The following FNIP1 variants were observed in gnomAD, a reference collection of about 807,000 sequenced individuals.
FNIP1 encodes folliculin interacting protein 1.
FNIP1 carries 40 observed loss-of-function variants against 124.5 expected under a neutral mutation model. The observed-to-expected ratio is 0.32, with a 90% CI of 0.25 to 0.42. The LOEUF (loss-of-function observed/expected upper bound fraction) is 0.42, where lower values mean the gene tolerates loss of function less well. Ranked by LOEUF, FNIP1 falls within the 10% of genes least tolerant of loss-of-function variation. The pLI, the probability that FNIP1 is intolerant of heterozygous loss-of-function variation, is 1.00. For synonymous variants in FNIP1, 472 were observed against 470.6 expected, an observed-to-expected ratio of 1.00 and a Z score of -0.04; for missense variants, 1,176 against 1,403.7, an observed-to-expected ratio of 0.84 and a Z score of 2.59.
chr5:131,773,887 C>G (rs2149579338), intron 1 of FNIP1, among the ~76,000 whole-genome samples: 1 of 152,300 alleles, frequency 6.6e-6, no homozygotes, highest in South Asian at 2.1e-4. Context: ...ATTAGTCATT[C>G]TTAATCTCAT....
chr5:131,651,379 T>C (rs553851342), intron 16 of FNIP1, among the ~76,000 whole-genome samples: 68 of 152,320 alleles, frequency 4.5e-4, no homozygotes, highest in Admixed American at 2.8e-3. Flanking sequence ...GGTGATGGGA[T>C]TAAGACACTG....
chr5:131,708,612 T>C (rs1251849081), intron 8 of FNIP1, among the ~76,000 whole-genome samples: 2 of 152,176 alleles, frequency 1.3e-5, no homozygotes, highest in African/African-American at 4.8e-5. Context: ...TGCGCAGGCC[T>C]ATCACTAAAT....
chr5:131,682,476 TG>T (rs1324144368), intron 11 of FNIP1, among the ~76,000 whole-genome samples: 1 of 151,944 alleles, frequency 6.6e-6, no homozygotes, highest in Non-Finnish European at 1.5e-5. Flanking sequence ...CCCAGCACTT[TG>T]GGAGGTCTAG....
intron 11 of FNIP1, among the ~76,000 whole-genome samples, chr5:131,697,589 A>G (rs968537450): frequency 1.3e-5 from 2 of 152,188 alleles, no homozygotes; most frequent in Non-Finnish European, 2.9e-5. Context: ...CTAAATTTAA[A>G]AAGTATACAT....
intron 15 of FNIP1, 94 bp downstream of exon 15, chr5:131,670,369 T>A: frequency 9.1e-7 from 1 of 1,093,064 alleles, no homozygotes; most frequent in African/African-American, 1.6e-5. Flanking sequence ...GATTGTGTTG[T>A]AAAAAGTATG....
intron 3 of FNIP1, among the ~76,000 whole-genome samples, chr5:131,725,633 C>T (rs1189199472): frequency 6.6e-6 from 1 of 152,196 alleles, no homozygotes; most frequent in Non-Finnish European, 1.5e-5. Context: ...ACAATCATGT[C>T]ATCTGCAAAC....
intron 1 of FNIP1, among the ~76,000 whole-genome samples, chr5:131,762,675 G>A (rs944960060): frequency 6.6e-6 from 1 of 152,058 alleles, no homozygotes; most frequent in African/African-American, 2.4e-5. Context: ...CCACTACGGA[G>A]AACAGTTTGG....
chr5:131,795,371 G>A (rs965740181), intron 1 of FNIP1, among the ~76,000 whole-genome samples: 2 of 152,138 alleles, frequency 1.3e-5, no homozygotes, highest in Middle Eastern at 3.2e-3. Context: ...AAAACCAGAC[G>A]TGAAAATGTT....
intron 4 of FNIP1, 81 bp downstream of exon 4, chr5:131,719,236 A>C: frequency 7.8e-7 from 1 of 1,284,340 alleles, no homozygotes; most frequent in Non-Finnish European, 1.1e-6. Flanking sequence ...AATCTGAGTG[A>C]AGATCATATA....
In FNIP1 at chr5:131,694,459, G is replaced by A. The variant is rs138722456; in HGVS notation, c.1202+4458C>T. Among the ~76,000 whole-genome samples the A allele has an allele frequency of 2.4e-3, 366 of 152,230 alleles. 7 individuals carry two copies. Among genetic ancestry groups the A allele is most frequent in the Admixed American group, 0.02 (306 of 15,286 alleles). On this transcript the variant is annotated intron_variant, in intron 11 of 17. Transcript: ENST00000510461. ...CACCACCACCAAGGAAGAATCTTAC[G>A]AAAGACTGGCTAAGTGAAAGAAGCC...
chr5:131,652,656 A>AAAAAC (rs1404163758), intron 15 of FNIP1, among the ~76,000 whole-genome samples: 1 of 152,180 alleles, frequency 6.6e-6, no homozygotes, highest in African/African-American at 2.4e-5. Context: ...CAAACATTTT[A>AAAAAC]AAAACAGAAC....
intron 1 of FNIP1, among the ~76,000 whole-genome samples, chr5:131,784,243 C>T (rs768977884): frequency 2.6e-5 from 4 of 151,818 alleles, no homozygotes; most frequent in Non-Finnish European, 5.9e-5. Context: ...TTTATGGAGC[C>T]GTTGAAGGAT....
chr5:131,691,349 A>C (rs1423760602), intron 11 of FNIP1, among the ~76,000 whole-genome samples: 1 of 152,206 alleles, frequency 6.6e-6, no homozygotes, highest in African/African-American at 2.4e-5. Flanking sequence ...AGGAGTGCTT[A>C]AAGGGAAATT....
chr5:131,769,678 T>C (rs1355174923), intron 1 of FNIP1, among the ~76,000 whole-genome samples: 1 of 152,228 alleles, frequency 6.6e-6, no homozygotes, highest in Non-Finnish European at 1.5e-5. Flanking sequence ...ACCGGGAGCC[T>C]TTAAGAAATC....
At position 131,659,862 on chromosome 5, in the gene FNIP1, G is replaced by T. The variant is rs563592634; in HGVS notation, c.3109-7863C>A. ...GCTCATTGTAGAAGGTGTGGTGCCA[G>T]ATCTTCTCCATGTCATCCCAGTTGG... On this transcript the variant is annotated intron_variant, in intron 15 of 17. Transcript: ENST00000510461. Among the ~76,000 whole-genome samples, 8 of 152,338 alleles carry T rather than the reference G, an allele frequency of 5.3e-5. No homozygotes were observed. In the East Asian group the frequency reaches 1.2e-3, roughly 22 times the overall value.
intron 15 of FNIP1, among the ~76,000 whole-genome samples, chr5:131,652,664 AACAGG>A (rs1448643963): frequency 6.6e-6 from 1 of 152,158 alleles, no homozygotes; most frequent in Non-Finnish European, 1.5e-5. Flanking sequence ...TTAAAAACAG[AACAGG>A]ACAGGACAGG....
At chr5:131,662,500 C>A (rs1433331361) in intron 15 of FNIP1, among the ~76,000 whole-genome samples, 2 of 152,138 alleles carry the variant, frequency 1.3e-5, no homozygotes, top group Non-Finnish European at 2.9e-5. Flanking sequence ...GCTCTAGACT[C>A]CTTCTGGGAA....
intron 1 of FNIP1, among the ~76,000 whole-genome samples, chr5:131,783,499 C>T (rs922508435): frequency 6.6e-6 from 1 of 150,832 alleles, no homozygotes; most frequent in African/African-American, 2.4e-5. Flanking sequence ...GGGAGACTGT[C>T]CCTGGAGGAT....
chr5:131,760,564 G>A (rs2149571590), intron 1 of FNIP1, among the ~76,000 whole-genome samples: 1 of 152,142 alleles, frequency 6.6e-6, no homozygotes, highest in East Asian at 1.9e-4. Flanking sequence ...TCTTACTATA[G>A]AGTATACTTA....
Sources: gnomAD v4.1 joint callset for allele counts (sites outside exome capture counted in the v4.1 genomes callset) on GRCh38, gnomAD v4.1.1 for gene constraint, MANE v1.5 for transcripts, NCBI Gene and HGNC (gene_info 2026-07-23, HGNC 2026-07-21) for gene names.